Variants in R3HDM1 observed in about 807,000 individuals in gnomAD.
R3HDM1 encodes the protein R3H domain containing 1, also known as R3H domain-containing protein 1.
In R3HDM1, 46 loss-of-function variants were observed where a neutral mutation model predicts 141.1. The ratio of observed to expected loss-of-function variants is 0.33; its 90% CI spans 0.26 to 0.42. The LOEUF is 0.42. Ranked by LOEUF, R3HDM1 falls within the 10% of genes least tolerant of loss-of-function variation. The pLI, the probability that R3HDM1 is intolerant of heterozygous loss-of-function variation, is 1.00. For synonymous variants in R3HDM1, 435 were observed against 472.9 expected (o/e 0.92, Z 1.04); for missense variants, 1,184 against 1,368.3 (o/e 0.87, Z 2.12).
At chr2:135,628,692 T>A (rs892955036) in intron 7 of R3HDM1, among the ~76,000 whole-genome samples, 1 of 152,172 alleles carries the variant, frequency 6.6e-6, no homozygotes, top group Non-Finnish European at 1.5e-5. Context: ...AATGGCACAA[T>A]CTCGGCTCAC....
chr2:135,705,360 G>A (rs2074765793), intron 21 of R3HDM1, among the ~76,000 whole-genome samples: 1 of 152,164 alleles, frequency 6.6e-6, no homozygotes, highest in African/African-American at 2.4e-5. Context: ...GCTCCCTTCT[G>A]ACACCCAAAT....
intron 1 of R3HDM1, among the ~76,000 whole-genome samples, chr2:135,566,319 G>T (rs1407119311): frequency 1.3e-5 from 2 of 152,100 alleles, no homozygotes; most frequent in African/African-American, 4.8e-5. Flanking sequence ...CAATTGTTTT[G>T]TAATACTAAT....
At chr2:135,715,243 C>G (rs555993051) in intron 23 of R3HDM1, among the ~76,000 whole-genome samples, 11 of 152,112 alleles carry the variant, frequency 7.2e-5, no homozygotes, top group South Asian at 6.2e-4. Context: ...CAGCTACAGG[C>G]TGGGACTGAG....
chr2:135,709,074 G>A (rs2075302539), intron 21 of R3HDM1, among the ~76,000 whole-genome samples: 1 of 151,446 alleles, frequency 6.6e-6, no homozygotes, highest in Non-Finnish European at 1.5e-5. Flanking sequence ...AACATGTTCT[G>A]TTGTTTCCTC....
intron 1 of R3HDM1, among the ~76,000 whole-genome samples, chr2:135,550,839 A>C (rs1007812488): frequency 1.3e-5 from 2 of 152,208 alleles, no homozygotes; most frequent in African/African-American, 4.8e-5. Flanking sequence ...CTTTATCCCC[A>C]AAATTTAATG....
At chr2:135,716,970 A>AC (rs2076217579) in intron 24 of R3HDM1, among the ~76,000 whole-genome samples, 4 of 16,876 alleles carry the variant, frequency 2.4e-4, no homozygotes, top group African/African-American at 6.2e-4. Flanking sequence ...AAACAAACAA[A>AC]AAAACAAACA....
At chr2:135,576,669 C>T (rs1480136956) in intron 1 of R3HDM1, among the ~76,000 whole-genome samples, 1 of 151,882 alleles carries the variant, frequency 6.6e-6, no homozygotes, top group Non-Finnish European at 1.5e-5. Context: ...CATATTTCAG[C>T]AATAAAAAGA....
intron 3 of R3HDM1, among the ~76,000 whole-genome samples, chr2:135,615,272 C>T (rs912490412): frequency 2.0e-5 from 3 of 151,376 alleles, no homozygotes; most frequent in Non-Finnish European, 4.4e-5. Context: ...GTAAAGCATA[C>T]TAGTCTGGAT....
At chr2:135,584,587 G>A (rs1707461678) in intron 1 of R3HDM1, among the ~76,000 whole-genome samples, 1 of 152,156 alleles carries the variant, frequency 6.6e-6, no homozygotes, top group African/African-American at 2.4e-5. Context: ...TAAATTAACG[G>A]TTTATTATCA....
chr2:135,542,684 G>T (rs1324592622), intron 1 of R3HDM1, among the ~76,000 whole-genome samples: 1 of 152,106 alleles, frequency 6.6e-6, no homozygotes, highest in Non-Finnish European at 1.5e-5. Context: ...CATCAAACTG[G>T]CAGATGATAA....
chr2:135,702,369 A>G (rs150067253), intron 21 of R3HDM1, among the ~76,000 whole-genome samples: 8 of 152,172 alleles, frequency 5.3e-5, no homozygotes, highest in African/African-American at 1.9e-4. Context: ...ACTAAAAAAT[A>G]CAAAAAAATG....
At chr2:135,698,350 G>A (rs2073604618) in intron 21 of R3HDM1, among the ~76,000 whole-genome samples, 1 of 151,570 alleles carries the variant, frequency 6.6e-6, no homozygotes, top group Non-Finnish European at 1.5e-5. Flanking sequence ...TAGTAGAGAC[G>A]GGGTTTCACC....
intron 19 of R3HDM1, among the ~76,000 whole-genome samples, chr2:135,672,406 C>G (rs2068523705): frequency 6.6e-6 from 1 of 152,186 alleles, no homozygotes; most frequent in Non-Finnish European, 1.5e-5. Context: ...TATTAACTGT[C>G]TTACTTTTTC....
At chr2:135,598,701 A>G (rs2105090546) in intron 1 of R3HDM1, among the ~76,000 whole-genome samples, 1 of 152,290 alleles carries the variant, frequency 6.6e-6, no homozygotes, top group African/African-American at 2.4e-5. Flanking sequence ...CTGTTGTGTG[A>G]GTTTTAAATG....
chr2:135,724,607 T>C lies in R3HDM1; in HGVS notation c.*315T>C, dbSNP rs1170955603. On this transcript the variant is annotated 3_prime_UTR_variant, in exon 27 of 27. Coordinates refer to ENST00000683871, the MANE Select transcript of R3HDM1 (RefSeq NM_001378107.1). ...TTCTTGTATCAGATCCAAAGCTCTA[T>C]TGTACAGCAAATTATTCTTCAAAAT... The C allele has an allele frequency of 9.0e-6, 2 of 223,418 alleles. No individual in the cohort carries two copies. Among genetic ancestry groups the C allele is most frequent in the African/African-American group, 2.3e-5 (1 of 43,868 alleles). 13.8% of individuals were successfully genotyped at this position (223,418 alleles called of 1,614,324 possible). A position where few individuals can be genotyped will look rare whatever the true frequency, so the allele number is the denominator to read the frequency against.
At chr2:135,689,350 C>G (rs1273125820) in intron 21 of R3HDM1, among the ~76,000 whole-genome samples, 1 of 152,138 alleles carries the variant, frequency 6.6e-6, no homozygotes, top group African/African-American at 2.4e-5. Flanking sequence ...TACATATCAA[C>G]AAGTTTATAA....
intron 14 of R3HDM1, 96 bp downstream of exon 14, chr2:135,639,218 A>G: frequency 8.2e-7 from 1 of 1,220,026 alleles, no homozygotes; most frequent in Non-Finnish European, 1.2e-6. Context: ...ATTATCCTAA[A>G]ATATAAAATC....
At position 135,709,485 on chromosome 2, in the gene R3HDM1, C is replaced by G. The variant is rs2075375874; in HGVS notation, c.2512C>G (p.Arg838Gly). The change falls in exon 22 of 27, where the codon CGA (arginine) becomes GGA (glycine). Residue 838 changes from arginine to glycine, a missense_variant. This residue lies in a region of R3HDM1 where 563 missense variants were observed against 562.0 expected (regional missense o/e 1.00). Coordinates refer to ENST00000683871, the MANE Select transcript of R3HDM1 (RefSeq NM_001378107.1). Reference protein sequence around the residue: ...HPGSEQVQFPRTTSPCSSQQL... With the variant: ...HPGSEQVQFPGTTSPCSSQQL... ...AGGATCAGAACAAGTACAATTTCCT[C>G]GAACCACTTCACCATGCAGTTCCCA... is the stretch of plus-strand genomic sequence containing the variant. 10 of 1,614,158 alleles carry G rather than the reference C, an allele frequency of 6.2e-6. No individual in the cohort carries two copies. The highest frequency in any genetic ancestry group is 8.5e-6 in the Non-Finnish European group (10 of 1,180,022).
At chr2:135,566,824 T>C in intron 1 of R3HDM1, 6 of 939,704 alleles carry the variant, frequency 6.4e-6, no homozygotes, top group Non-Finnish European at 7.6e-6. Context: ...AATACGAAAA[T>C]TAGCCAGCAT....
Sources: gnomAD v4.1 joint callset for allele counts (sites outside exome capture counted in the v4.1 genomes callset) on GRCh38, gnomAD v4.1.1 for gene constraint, gnomAD v4.1.1 regional missense constraint, MANE v1.5 for transcripts, NCBI Gene and HGNC (gene_info 2026-07-23, HGNC 2026-07-21) for gene names.